The following AKR1C3 variants were observed in gnomAD, a reference collection of about 807,000 sequenced individuals.
The protein encoded by AKR1C3 is 3-alpha hydroxysteroid dehydrogenase, type II.
Under a neutral mutation model 43.6 loss-of-function variants are expected in AKR1C3, and 48 were observed. The observed-to-expected ratio is 1.10, with a 90% CI of 0.87 to 1.40. AKR1C3 has a LOEUF of 1.40. Ranked by LOEUF, AKR1C3 falls within the 40% of genes most tolerant of loss-of-function variation. The pLI is 0.00. For synonymous variants in AKR1C3, 162 were observed against 139.6 expected, an observed-to-expected ratio of 1.16 and a Z score of -1.13; for missense variants, 482 against 391.2, an observed-to-expected ratio of 1.23 and a Z score of -1.96.
rs1207621684 is a variant in AKR1C3 at position 5,084,398 on chromosome 10, A to C, written c.85-12012A>C. On this transcript the variant is annotated intron_variant, in intron 1 of 8. Transcript: ENST00000439082. Reference sequence around the variant, plus strand: ...GATCAGATAGTTGTAGATATGCGGCATTATTTCTGAGGGCTCTGTTCTGTT... The same window carrying C: ...GATCAGATAGTTGTAGATATGCGGCCTTATTTCTGAGGGCTCTGTTCTGTT... Among the ~76,000 whole-genome samples, 7 of 151,048 alleles carry C rather than the reference A, an allele frequency of 4.6e-5. No individual in the cohort carries two copies. In the South Asian group the frequency reaches 8.4e-4, roughly 18 times the overall value.
intron 1 of AKR1C3, among the ~76,000 whole-genome samples, chr10:5,068,582 T>C (rs527752606): frequency 1.1e-4 from 17 of 152,164 alleles, no homozygotes; most frequent in Non-Finnish European, 2.2e-4. Context: ...TAATCTTAAT[T>C]ACATGTTAAT....
intron 1 of AKR1C3, among the ~76,000 whole-genome samples, chr10:5,059,231 C>T (rs1198423780): frequency 2.0e-5 from 3 of 152,074 alleles, no homozygotes; most frequent in East Asian, 1.9e-4. Context: ...AGAGTTGATA[C>T]TAGAAGTCAT....
At chr10:5,058,896 A>C (rs1217449888) in intron 1 of AKR1C3, among the ~76,000 whole-genome samples, 1 of 152,176 alleles carries the variant, frequency 6.6e-6, no homozygotes, top group African/African-American at 2.4e-5. Flanking sequence ...AACCCGTTAG[A>C]GTCCTAAGCA....
At chr10:5,104,455 GACTTATTT>G (rs1839446814) in intron 7 of AKR1C3, among the ~76,000 whole-genome samples, 2 of 151,976 alleles carry the variant, frequency 1.3e-5, no homozygotes, top group South Asian at 4.2e-4. Context: ...GTCTTCAATT[GACTTATTT>G]ACTTTTCTGT....
chr10:5,096,449 A>C lies in AKR1C3; in HGVS notation c.124A>C (p.Ile42Leu). ...SKALEVTKLA[I>L]EAGFRHIDSA... The stretch of plus-strand genomic sequence containing the variant: ...AGCTTTGGAGGTCACAAAATTAGCA[A>C]TAGAAGCTGGGTTCCGCCATATAGA... The change falls in exon 2 of 9, where the codon ATA becomes CTA. Residue 42 changes from isoleucine to leucine, a missense_variant. Physicochemically the swap from Ile to Leu is conservative, Grantham distance 5. Coordinates refer to ENST00000380554, the MANE Select transcript of AKR1C3 (RefSeq NM_003739.6). The C allele has an allele frequency of 1.2e-6, 2 of 1,613,722 alleles. No homozygotes were observed. The highest frequency in any genetic ancestry group is 1.7e-6 in the Non-Finnish European group (2 of 1,179,678).
upstream of AKR1C3, among the ~76,000 whole-genome samples, chr10:5,092,831 C>A (rs781917651): frequency 6.6e-6 from 1 of 151,984 alleles, no homozygotes; most frequent in Non-Finnish European, 1.5e-5. Flanking sequence ...CGTTTTCTTT[C>A]TTATAAGGGA....
intron 1 of AKR1C3, among the ~76,000 whole-genome samples, chr10:5,083,237 C>A (rs1350670518): frequency 1.3e-5 from 2 of 152,242 alleles, no homozygotes; most frequent in South Asian, 2.1e-4. Context: ...TCCCCCCACC[C>A]CACAACAGTC....
At chr10:5,105,300 ACAAT>A (rs1839471502) in intron 7 of AKR1C3, 3 of 8,772 alleles carry the variant, frequency 3.4e-4, no homozygotes, top group Non-Finnish European at 7.6e-4. Context: ...TCATGTGGGC[ACAAT>A]GTGACCCTAT....
upstream of AKR1C3, among the ~76,000 whole-genome samples, chr10:5,089,692 C>T (rs1839044965): frequency 1.3e-5 from 2 of 151,992 alleles, no homozygotes; most frequent in South Asian, 4.2e-4. Context: ...TCTTATTGAG[C>T]TTTCTTATAA....
intron 1 of AKR1C3, among the ~76,000 whole-genome samples, chr10:5,087,697 A>G (rs533302385): frequency 6.6e-6 from 1 of 151,604 alleles, no homozygotes; most frequent in Non-Finnish European, 1.5e-5. Flanking sequence ...TCTGTATTGT[A>G]TTTTTTTGAA....
In AKR1C3 at chr10:5,107,496, A is replaced by G; in HGVS notation, c.965A>G (p.Glu322Gly). 2 of 1,588,996 alleles carry G rather than the reference A, an allele frequency of 1.3e-6. No individual in the cohort carries two copies. Among genetic ancestry groups the G allele is most frequent in the Non-Finnish European group, 1.7e-6 (2 of 1,157,684 alleles). Reference protein sequence around the residue: ...ASHPNYPYSDEY With the variant: ...ASHPNYPYSDGY The stretch of plus-strand genomic sequence containing the variant: ...CACCCTAATTATCCATATTCAGATG[A>G]ATATTAACATGGAGGGCTTTGCCTG... Residue 322 changes from glutamate to glycine, a missense_variant, in exon 9 of 9, where the codon GAA (glutamate) becomes GGA (glycine). By Grantham distance (98) the Glu-to-Gly change is moderately conservative. Transcript: ENST00000380554.
intron 5 of AKR1C3, among the ~76,000 whole-genome samples, chr10:5,100,556 C>T (rs1040547641): frequency 6.6e-6 from 1 of 152,140 alleles, no homozygotes; most frequent in Non-Finnish European, 1.5e-5. Flanking sequence ...AAATTGACTT[C>T]CCCCAAATGT....
At chr10:5,093,775 A>C (rs1839145882), upstream of AKR1C3, 1 of 152,140 alleles carries the variant, frequency 6.6e-6, no homozygotes, top group African/African-American at 2.4e-5. Flanking sequence ...ACTACACCAG[A>C]ATTTCTTTTT....
intron 5 of AKR1C3, chr10:5,099,766 G>A: frequency 2.9e-6 from 1 of 339,704 alleles, no homozygotes; most frequent in Non-Finnish European, 5.5e-6. Context: ...AAGATGACCA[G>A]AAAGTGCATG....
At chr10:5,063,813 T>A (rs180693156) in intron 1 of AKR1C3, among the ~76,000 whole-genome samples, 1 of 112,532 alleles carries the variant, frequency 8.9e-6, no homozygotes, top group East Asian at 2.7e-4. Context: ...AGTAACTCTT[T>A]CCCTGTCAAA....
upstream of AKR1C3, among the ~76,000 whole-genome samples, chr10:5,089,924 C>A (rs1334489667): frequency 6.6e-6 from 1 of 152,054 alleles, no homozygotes; most frequent in Non-Finnish European, 1.5e-5. Context: ...TTGCTTTATA[C>A]CTCTGCCCTT....
intron 1 of AKR1C3, among the ~76,000 whole-genome samples, chr10:5,061,437 T>G (rs1172044407): frequency 6.6e-6 from 1 of 152,006 alleles, no homozygotes; most frequent in East Asian, 1.9e-4. Flanking sequence ...AGCCTAGGAA[T>G]GAGGCATCCC....
chr10:5,103,366 CT>C (rs200366306), intron 7 of AKR1C3, among the ~76,000 whole-genome samples: 32 of 149,574 alleles, frequency 2.1e-4, no homozygotes, highest in African/African-American at 7.7e-4. Context: ...AGTTGCTTGT[CT>C]TTTTTTTAAG....
chr10:5,089,743 T>A (rs1554783873), upstream of AKR1C3, among the ~76,000 whole-genome samples: 1 of 152,174 alleles, frequency 6.6e-6, no homozygotes, highest in East Asian at 1.9e-4. Flanking sequence ...CTCAATTTTA[T>A]TTTGATTAGA....
Sources: allele counts gnomAD v4.1 joint callset (sites outside exome capture counted in the v4.1 genomes callset), GRCh38; gene constraint gnomAD v4.1.1; transcripts MANE v1.5; gene names NCBI Gene and HGNC (gene_info 2026-07-23, HGNC 2026-07-21).